Variants in ATP8A2 observed in about 807,000 individuals in gnomAD.
ATP8A2 encodes ATPase phospholipid transporting 8A2, also known as phospholipid-transporting ATPase IB.
A neutral mutation model predicts 165.6 loss-of-function variants in ATP8A2; 100 were observed. That is an observed-to-expected ratio of 0.60 (90% CI 0.51 to 0.71). The LOEUF (loss-of-function observed/expected upper bound fraction) is 0.71. ATP8A2 is among the 30% of genes least tolerant of loss of function. ATP8A2 has a pLI of 0.00. For synonymous variants in ATP8A2, 543 were observed against 548.8 expected, an observed-to-expected ratio of 0.99 and a Z score of 0.15; for missense variants, 1,227 against 1,479.5, an observed-to-expected ratio of 0.83 and a Z score of 2.80.
At chr13:25,756,817 C>T (rs943159470) in intron 25 of ATP8A2, among the ~76,000 whole-genome samples, 6 of 152,174 alleles carry the variant, frequency 3.9e-5, no homozygotes, top group Non-Finnish European at 7.3e-5. Flanking sequence ...ATTACTGAAT[C>T]CCATATTTTT....
intron 25 of ATP8A2, among the ~76,000 whole-genome samples, chr13:25,717,538 A>T (rs1318989888): frequency 6.6e-6 from 1 of 152,076 alleles, no homozygotes; most frequent in Non-Finnish European, 1.5e-5. Flanking sequence ...AAACTGGGTA[A>T]GTGGTGGTGC....
At chr13:25,600,028 C>A (rs2040340995) in intron 24 of ATP8A2, among the ~76,000 whole-genome samples, 1 of 152,162 alleles carries the variant, frequency 6.6e-6, no homozygotes, top group East Asian at 1.9e-4. Context: ...GGTCTCTGAA[C>A]AGAGTGGTTT....
At position 25,772,763 on chromosome 13, in the gene ATP8A2, AT is replaced by A. The variant is rs1007993940; in HGVS notation, c.2569-2078del. On this transcript the variant is annotated intron_variant, in intron 26 of 36. Transcript: ENST00000381655. ...TTATTTATTTATTTATTTATTTATT[AT>A]TTTTTTTATTCAGAGTTTCACTCAT... Among the ~76,000 whole-genome samples the A allele has an allele frequency of 1.4e-4, 21 of 148,878 alleles. No homozygotes were observed. In the South Asian group the frequency reaches 1.7e-3, roughly 12 times the overall value.
At chr13:25,427,289 C>T (rs2034478771) in intron 1 of ATP8A2, among the ~76,000 whole-genome samples, 1 of 151,800 alleles carries the variant, frequency 6.6e-6, no homozygotes, top group African/African-American at 2.4e-5. Flanking sequence ...AATCTAATGC[C>T]TGATGATCTG....
chr13:25,494,869 C>A (rs948544679), intron 2 of ATP8A2, among the ~76,000 whole-genome samples: 4 of 152,200 alleles, frequency 2.6e-5, no homozygotes, highest in Non-Finnish European at 2.9e-5. Flanking sequence ...CCTAGGGGTC[C>A]AGCCCGGAGC....
rs2138004405 is a variant in ATP8A2, at chr13:25,543,339, T to G, written c.828T>G (p.Leu276=). Residue 276 remains leucine (L), a synonymous_variant, in exon 10 of 37, where the codon CTT becomes CTG. Transcript: ENST00000381655. ...PDQILLRGTQ[L]RNTQWVFGIV... The stretch of plus-strand genomic sequence containing the variant: ...AGATCTTATTAAGAGGTACACAGCT[T>G]AGAAATACTCAGTGGGTCTTTGGCA... 6 of 1,613,602 alleles carry G rather than the reference T, an allele frequency of 3.7e-6. No homozygotes were observed. The East Asian group carries it at 1.3e-4, about 36-fold the overall frequency.
intron 35 of ATP8A2, among the ~76,000 whole-genome samples, chr13:25,982,366 C>G (rs1956187454): frequency 6.6e-6 from 1 of 152,188 alleles, no homozygotes; most frequent in African/African-American, 2.4e-5. Context: ...TCACATGACG[C>G]AGAAGATTGC....
rs994508535 is a variant in ATP8A2 at position 25,741,420 on chromosome 13, G to T, written c.2385-27626G>T. Among the ~76,000 whole-genome samples the T allele has an allele frequency of 2.0e-4, 30 of 152,158 alleles. 1 individual carries two copies. The highest frequency in any genetic ancestry group is 2.0e-3 in the Admixed American group (30 of 15,278). ...GTTTAGACAGGGACTTGCTTCTGCT[G>T]CCCAGGCTGGAGTGCAATGGCATGA... On this transcript the variant is annotated intron_variant, in intron 25 of 36. Coordinates refer to ENST00000381655, the MANE Select transcript of ATP8A2 (RefSeq NM_016529.6).
intron 33 of ATP8A2, among the ~76,000 whole-genome samples, chr13:25,894,575 G>A (rs980114971): frequency 5.9e-5 from 9 of 152,196 alleles, no homozygotes; most frequent in Non-Finnish European, 1.2e-4. Context: ...TGTGAAGAAA[G>A]TCATTGGTAG....
At chr13:25,458,791 T>A (rs1195670860) in intron 1 of ATP8A2, among the ~76,000 whole-genome samples, 16 of 152,212 alleles carry the variant, frequency 1.1e-4, no homozygotes, top group Admixed American at 9.8e-4. Flanking sequence ...TCCCGTTTTC[T>A]TGAACTGCCT....
At chr13:25,480,273 G>C (rs866514033) in intron 2 of ATP8A2, among the ~76,000 whole-genome samples, 1 of 151,342 alleles carries the variant, frequency 6.6e-6, no homozygotes, top group Non-Finnish European at 1.5e-5. Flanking sequence ...CCTCCCGGAC[G>C]GGGCGGCTGG....
intron 1 of ATP8A2, among the ~76,000 whole-genome samples, chr13:25,418,624 A>G (rs981307580): frequency 2.0e-5 from 3 of 152,208 alleles, no homozygotes; most frequent in Non-Finnish European, 4.4e-5. Context: ...ATAGAGGCCA[A>G]AATGGCATCT....
intron 24 of ATP8A2, among the ~76,000 whole-genome samples, chr13:25,684,950 C>A (rs2042569944): frequency 6.6e-6 from 1 of 152,138 alleles, no homozygotes; most frequent in African/African-American, 2.4e-5. Flanking sequence ...TAATTTAAAC[C>A]TTGAAAGTTG....
chr13:25,402,929 C>A lies in ATP8A2; in HGVS notation c.76+30641C>A, dbSNP rs755046058. On this transcript the variant is annotated intron_variant, in intron 1 of 36. Coordinates refer to ENST00000381655, the MANE Select transcript of ATP8A2 (RefSeq NM_016529.6). ...TCAGTTTCCGATGAGGTCCCTGTGT[C>A]TGCTTCAAAGATGGTGCCTTCTTGC... 1.3e-3 allele frequency among the ~76,000 whole-genome samples: 199 copies of A among 152,176 alleles called. 2 individuals are homozygous for A. Among genetic ancestry groups the A allele is most frequent in the Non-Finnish European group, 2.2e-3 (147 of 68,032 alleles).
At chr13:25,880,784 C>T (rs146891866) in intron 33 of ATP8A2, 130 of 399,120 alleles carry the variant, frequency 3.3e-4, no homozygotes, top group Middle Eastern at 2.6e-3. Flanking sequence ...TTAATCTTTT[C>T]AACAGAAGCA....
At chr13:25,867,107 C>T (rs1462284474) in intron 33 of ATP8A2, among the ~76,000 whole-genome samples, 3 of 151,130 alleles carry the variant, frequency 2.0e-5, no homozygotes, top group African/African-American at 7.3e-5. Flanking sequence ...TGACAAGCTC[C>T]TGACTCCAGC....
chr13:25,962,108 G>A (rs1955673951), intron 34 of ATP8A2, among the ~76,000 whole-genome samples: 1 of 152,140 alleles, frequency 6.6e-6, no homozygotes, highest in Non-Finnish European at 1.5e-5. Flanking sequence ...TAGGAATGTT[G>A]CCTTATATAA....
chr13:25,450,051 C>A (rs2035170624), intron 1 of ATP8A2, among the ~76,000 whole-genome samples: 1 of 152,158 alleles, frequency 6.6e-6, no homozygotes, highest in South Asian at 2.1e-4. Context: ...TCATTTAGCT[C>A]CCACTTATAA....
At chr13:25,752,540 C>A (rs991600695) in intron 25 of ATP8A2, among the ~76,000 whole-genome samples, 1 of 152,170 alleles carries the variant, frequency 6.6e-6, no homozygotes, top group Non-Finnish European at 1.5e-5. Context: ...TGTTCATCAG[C>A]AGGTCCTTGA....
Sources: gnomAD v4.1 joint callset for allele counts (sites outside exome capture counted in the v4.1 genomes callset) on GRCh38, gnomAD v4.1.1 for gene constraint, MANE v1.5 for transcripts, NCBI Gene and HGNC (gene_info 2026-07-23, HGNC 2026-07-21) for gene names.